The following PLXNA4 variants were observed in gnomAD, a reference collection of about 807,000 sequenced individuals.
The protein encoded by PLXNA4 is plexin-A4.
Under a neutral mutation model 191.8 loss-of-function variants are expected in PLXNA4, and 44 were observed. That is an observed-to-expected ratio of 0.23 (90% CI 0.18 to 0.29). The LOEUF is 0.29. Ranked by LOEUF, PLXNA4 falls within the 10% of genes least tolerant of loss-of-function variation. The pLI is 1.00. For synonymous variants in PLXNA4, 1,082 were observed against 1,009.5 expected (o/e 1.07, Z -1.36); for missense variants, 1,800 against 2,488.8 (o/e 0.72, Z 5.89).
chr7:132,368,935 G>A (rs1446495645), intron 3 of PLXNA4, among the ~76,000 whole-genome samples: 6 of 152,188 alleles, frequency 3.9e-5, no homozygotes, highest in East Asian at 1.9e-4. Context: ...AATGTTTGCC[G>A]CTGTCAGCAC....
chr7:132,395,546 T>C lies in PLXNA4; in HGVS notation c.1371+93746A>G, dbSNP rs529757629. On this transcript the variant is annotated intron_variant, in intron 3 of 31. Coordinates refer to ENST00000321063, the MANE Select transcript of PLXNA4 (RefSeq NM_020911.2). ...CAGGCTGGCACGTGCGTCCCACCTG[T>C]GCATCTCATGTCTGGCCATGTGGCC... Among the ~76,000 whole-genome samples the C allele has an allele frequency of 9.8e-5, 15 of 152,330 alleles. No individual in the cohort carries two copies. The South Asian group carries it at 2.9e-3, about 29-fold the overall frequency.
intron 3 of PLXNA4, among the ~76,000 whole-genome samples, chr7:132,363,214 ACCT>A (rs1459742934): frequency 6.6e-6 from 1 of 152,138 alleles, no homozygotes; most frequent in African/African-American, 2.4e-5. Context: ...CGAACTCCTG[ACCT>A]CAAGTGATCC....
chr7:132,317,994 C>T (rs17166338), intron 3 of PLXNA4, among the ~76,000 whole-genome samples: 25,145 of 152,184 alleles, frequency 0.17, 2,602 homozygotes, highest in Admixed American at 0.26. Context: ...GAATCTGTGC[C>T]TCCTGGGAAA....
At chr7:132,637,222 T>C (rs1048628637) in intron 2 of PLXNA4, among the ~76,000 whole-genome samples, 30 of 152,196 alleles carry the variant, frequency 2.0e-4, no homozygotes, top group Admixed American at 1.9e-3. Context: ...ACAATTTGTA[T>C]GCACAATCCT....
At chr7:132,228,916 T>C (rs1477249981) in intron 5 of PLXNA4, among the ~76,000 whole-genome samples, 1 of 152,194 alleles carries the variant, frequency 6.6e-6, no homozygotes, top group Non-Finnish European at 1.5e-5. Context: ...GTCCAGTTCC[T>C]ACTTTTTCTT....
At chr7:132,265,645 A>G (rs1799821892) in intron 4 of PLXNA4, among the ~76,000 whole-genome samples, 1 of 152,178 alleles carries the variant, frequency 6.6e-6, no homozygotes, top group Admixed American at 6.5e-5. Flanking sequence ...CTGAATCTCA[A>G]ACTGAATACC....
intron 1 of PLXNA4, among the ~76,000 whole-genome samples, chr7:132,515,625 G>A (rs117424919): frequency 2.0e-3 from 299 of 152,260 alleles, no homozygotes; most frequent in South Asian, 5.2e-3. Context: ...GGTGATGTTC[G>A]AACGTGTGTG....
At chr7:132,331,316 G>A (rs770358581) in intron 3 of PLXNA4, among the ~76,000 whole-genome samples, 4 of 152,236 alleles carry the variant, frequency 2.6e-5, no homozygotes, top group South Asian at 2.1e-4. Flanking sequence ...CTGAAACACC[G>A]CTGCACACAG....
rs137901864 is a variant in PLXNA4 at position 132,343,522 on chromosome 7, GT to G, written c.1372-45301del. On this transcript the variant is annotated intron_variant, in intron 3 of 31. Transcript: ENST00000321063. ...TCTTTCAGGAGGCCTTCTGAAATTT[GT>G]GTCCTTTGAAAAGAGAAGAACCATC... is the stretch of plus-strand genomic sequence containing the variant. Among the ~76,000 whole-genome samples, 598 of 152,244 alleles carry G rather than the reference GT, an allele frequency of 3.9e-3. 4 individuals are homozygous for G. The highest frequency in any genetic ancestry group is 0.013 in the African/African-American group (545 of 41,548).
rs1220375136 is a variant in PLXNA4 at position 132,129,463 on chromosome 7, C to G, written c.*1016G>C. 1.3e-5 allele frequency: 2 copies of G among 152,188 alleles called. No homozygotes were observed. The highest frequency in any genetic ancestry group is 2.4e-5 in the African/African-American group (1 of 41,434). 9.4% of individuals were successfully genotyped at this position (152,188 alleles called of 1,614,324 possible). On this transcript the variant is annotated 3_prime_UTR_variant, in exon 32 of 32. Coordinates refer to ENST00000321063, the MANE Select transcript of PLXNA4 (RefSeq NM_020911.2). The stretch of plus-strand genomic sequence containing the variant: ...CCATGGAGATGGCTGGAGGTAGAAT[C>G]TCCTAGATGCACTCTGCATTTCACG...
At chr7:132,282,266 A>G (rs2116401504) in intron 4 of PLXNA4, among the ~76,000 whole-genome samples, 1 of 152,256 alleles carries the variant, frequency 6.6e-6, no homozygotes, top group African/African-American at 2.4e-5. Flanking sequence ...CTCGTCATCT[A>G]GCATTAGGTA....
At chr7:132,422,982 G>A (rs1448703605) in intron 3 of PLXNA4, among the ~76,000 whole-genome samples, 2 of 152,210 alleles carry the variant, frequency 1.3e-5, no homozygotes, top group African/African-American at 4.8e-5. Context: ...GAGGCAGAGA[G>A]TCAAGGGAGA....
At chr7:132,558,838 C>T (rs1400235356) in intron 1 of PLXNA4, among the ~76,000 whole-genome samples, 1 of 152,178 alleles carries the variant, frequency 6.6e-6, no homozygotes, top group African/African-American at 2.4e-5. Context: ...AGTAAGTAGT[C>T]TCTAAAATGA....
chr7:132,260,051 C>T (rs572953484), intron 4 of PLXNA4, among the ~76,000 whole-genome samples: 2 of 152,126 alleles, frequency 1.3e-5, no homozygotes, highest in Non-Finnish European at 2.9e-5. Flanking sequence ...CACTGATGCA[C>T]TATCGGTGGG....
At chr7:132,247,246 A>G (rs1455349227) in intron 4 of PLXNA4, among the ~76,000 whole-genome samples, 1 of 152,184 alleles carries the variant, frequency 6.6e-6, no homozygotes, top group Non-Finnish European at 1.5e-5. Context: ...AATTTGTTTA[A>G]GCATTTGACA....
At chr7:132,243,125 G>A (rs1584891084) in intron 4 of PLXNA4, among the ~76,000 whole-genome samples, 1 of 152,222 alleles carries the variant, frequency 6.6e-6, no homozygotes, top group Non-Finnish European at 1.5e-5. Flanking sequence ...TAGGAAATAT[G>A]TTATTACTTA....
chr7:132,247,496 C>T (rs1189927750), intron 4 of PLXNA4, among the ~76,000 whole-genome samples: 12 of 152,178 alleles, frequency 7.9e-5, no homozygotes, highest in Admixed American at 7.9e-4. Flanking sequence ...GCACTTGGTG[C>T]TGTACCTCAT....
intron 2 of PLXNA4, among the ~76,000 whole-genome samples, chr7:132,612,817 C>T (rs962750171): frequency 1.3e-5 from 2 of 151,978 alleles, no homozygotes; most frequent in African/African-American, 4.8e-5. Context: ...TTGTGACAAC[C>T]CAAACTGTCT....
intron 2 of PLXNA4, among the ~76,000 whole-genome samples, chr7:132,600,148 C>G (rs1277144713): frequency 5.9e-5 from 9 of 152,092 alleles, no homozygotes; most frequent in Non-Finnish European, 1.2e-4. Context: ...TTACATTGCT[C>G]TTACCTCATT....
Sources: allele counts gnomAD v4.1 joint callset (sites outside exome capture counted in the v4.1 genomes callset), GRCh38; gene constraint gnomAD v4.1.1; transcripts MANE v1.5; gene names NCBI Gene and HGNC (gene_info 2026-07-23, HGNC 2026-07-21).